ADSL: variants seen among roughly 807,000 people sequenced by gnomAD.
ADSL encodes the protein adenylosuccinate lyase.
In ADSL, 44 loss-of-function variants were observed where a neutral mutation model predicts 62.1. The ratio of observed to expected loss-of-function variants is 0.71; its 90% CI spans 0.56 to 0.91. The LOEUF is 0.91. Among genes scored for constraint, ADSL ranks in the 40% least tolerant of loss-of-function variants. ADSL has a pLI of 0.00. For synonymous variants in ADSL, 198 were observed against 220.5 expected (o/e 0.90, Z 0.90); for missense variants, 531 against 627.4 (o/e 0.85, Z 1.64).
At chr22:40,380,208 T>C (rs1482045512) in intron 2 of ADSL, among the ~76,000 whole-genome samples, 1 of 152,210 alleles carries the variant, frequency 6.6e-6, no homozygotes, top group Non-Finnish European at 1.5e-5. Context: ...TATTAACATT[T>C]TTTTAATGCT....
chr22:40,380,359 C>A (rs2047358961), intron 2 of ADSL, among the ~76,000 whole-genome samples: 1 of 145,682 alleles, frequency 6.9e-6, no homozygotes, highest in Admixed American at 7.3e-5. Context: ...CCATGAATAT[C>A]TATAATTTTT....
At chr22:40,378,758 C>A (rs1053503521) in intron 2 of ADSL, among the ~76,000 whole-genome samples, 1 of 151,904 alleles carries the variant, frequency 6.6e-6, no homozygotes, top group Non-Finnish European at 1.5e-5. Flanking sequence ...TAATAATAAT[C>A]TAATGGGTTG....
intron 4 of ADSL, among the ~76,000 whole-genome samples, 181 bp downstream of exon 4, chr22:40,354,508 TTTGGGAAACA>T (rs1424759972): frequency 6.6e-6 from 1 of 152,182 alleles, no homozygotes; most frequent in Non-Finnish European, 1.5e-5. Flanking sequence ...TAACAGTTCA[TTTGGGAAACA>T]TTGGGAAATA....
chr22:40,361,775 A>G (rs765556457), intron 9 of ADSL, 140 bp downstream of exon 9: 65 of 1,101,872 alleles, frequency 5.9e-5, no homozygotes, highest in Admixed American at 3.8e-4. Context: ...AGGCAAAAAC[A>G]TAAAAAGGAC....
At chr22:40,371,637 C>G (rs1393426663), downstream of ADSL, among the ~76,000 whole-genome samples, 1 of 152,148 alleles carries the variant, frequency 6.6e-6, no homozygotes, top group Admixed American at 6.6e-5. Flanking sequence ...AGTTGAATTA[C>G]ATCTTTGTTT....
intron 2 of ADSL, among the ~76,000 whole-genome samples, chr22:40,386,562 CTTTTTTTTTT>C (rs60319316): frequency 6.6e-4 from 45 of 68,366 alleles, no homozygotes; most frequent in Non-Finnish European, 9.0e-4. Flanking sequence ...AATTTTCTTA[CTTTTTTTTTT>C]TTTTTTTTTT....
chr22:40,366,665 C>G lies in ADSL; in HGVS notation c.*143C>G, dbSNP rs2045018458. The G allele has an allele frequency of 1.4e-6, 1 of 690,834 alleles. No homozygotes were observed. Among genetic ancestry groups the G allele is most frequent in the African/African-American group, 1.8e-5 (1 of 56,464 alleles). The allele number at this position is 690,834 out of a possible 1,614,324, so 42.8% of individuals were successfully genotyped here. A position where few individuals can be genotyped will look rare whatever the true frequency, so the allele number is the denominator to read the frequency against. The stretch of plus-strand genomic sequence containing the variant: ...CTTCCCATGGTGCTTTCCTGTTTCT[C>G]AGTCTCACATTTCTCAACAAGGCAA... On this transcript the variant is annotated 3_prime_UTR_variant, in exon 13 of 13. Transcript: ENST00000623063.
chr22:40,358,789 T>C (rs2044661039), intron 4 of ADSL, 75 bp from the exon 5 acceptor site: 1 of 1,451,386 alleles, frequency 6.9e-7, no homozygotes, highest in South Asian at 1.1e-5. Context: ...ATGGTGGTTA[T>C]TAAAAGAAGC....
At chr22:40,362,375 C>T (rs574966347) in intron 9 of ADSL, among the ~76,000 whole-genome samples, 1 of 152,286 alleles carries the variant, frequency 6.6e-6, no homozygotes, top group Non-Finnish European at 1.5e-5. Flanking sequence ...AGAAGTCAGC[C>T]ATTGAATACT....
intron 1 of ADSL, chr22:40,348,905 T>C (rs2044243163): frequency 3.6e-6 from 1 of 278,038 alleles, no homozygotes; most frequent in Non-Finnish European, 6.6e-6. Flanking sequence ...TTTTGCAGCC[T>C]AATTTTTCCA....
chr22:40,364,376 C>A lies in ADSL; in HGVS notation c.1191+11C>A, dbSNP rs1057523739. On this transcript the variant is annotated intron_variant, in intron 11 of 12. Transcript: ENST00000623063. ...GGAGGTAGCCGCCAGGTTTGTAACC[C>A]CTCATGTTCCTGGATAAGTTGAGAG... 3 of 1,611,752 alleles carry A rather than the reference C, an allele frequency of 1.9e-6. No homozygotes were observed. In the Admixed American group the frequency reaches 5.0e-5, roughly 27 times the overall value.
intron 9 of ADSL, among the ~76,000 whole-genome samples, chr22:40,362,001 G>C (rs2044809283): frequency 6.6e-6 from 1 of 152,162 alleles, no homozygotes; most frequent in Admixed American, 6.6e-5. Context: ...GTAGCCCTGG[G>C]GAATGAAGTC....
intron 2 of ADSL, among the ~76,000 whole-genome samples, chr22:40,375,124 T>C (rs186481807): frequency 6.6e-6 from 1 of 152,362 alleles, no homozygotes; most frequent in Admixed American, 6.5e-5. Context: ...TCTCTTCTAA[T>C]ATATGCCTCT....
At chr22:40,363,291 T>C (rs903682719) in intron 10 of ADSL, among the ~76,000 whole-genome samples, 4 of 152,216 alleles carry the variant, frequency 2.6e-5, no homozygotes, top group African/African-American at 9.6e-5. Context: ...CCTTAAACTA[T>C]CTAGCAGCAT....
intron 4 of ADSL, among the ~76,000 whole-genome samples, chr22:40,356,955 G>A (rs118105684): frequency 2.0e-3 from 308 of 152,280 alleles, no homozygotes; most frequent in Non-Finnish European, 3.7e-3. Flanking sequence ...GGGTACAGTG[G>A]TGTGATCTCA....
chr22:40,384,939 C>G (rs1193062137), intron 2 of ADSL, among the ~76,000 whole-genome samples: 1 of 152,152 alleles, frequency 6.6e-6, no homozygotes, highest in African/African-American at 2.4e-5. Context: ...TAGGGATGGA[C>G]TCCCCATTTG....
In ADSL at chr22:40,387,175, G is replaced by T. The variant is rs116574156; in HGVS notation, c.90-3055G>T. On this transcript the variant is annotated intron_variant, in intron 2 of 2. Coordinates refer to the ADSL transcript ENST00000498234. Reference sequence around the variant, plus strand: ...ATAATGCCTGTGAGTGTGCTTAGCAGTGTGATGAATGCTTAACACATATTA... The same window carrying T: ...ATAATGCCTGTGAGTGTGCTTAGCATTGTGATGAATGCTTAACACATATTA... The T allele has an allele frequency of 3.5e-3, 1,382 of 398,536 alleles. 15 individuals are homozygous for T. The highest frequency in any genetic ancestry group is 0.025 in the African/African-American group (1,223 of 48,712). 24.7% of individuals were successfully genotyped at this position (398,536 alleles called of 1,614,324 possible). A position where few individuals can be genotyped will look rare whatever the true frequency, so the allele number is the denominator to read the frequency against.
At chr22:40,348,458 G>A (rs1040929238) in intron 1 of ADSL, 45 of 398,404 alleles carry the variant, frequency 1.1e-4, no homozygotes, top group Non-Finnish European at 1.9e-4. Flanking sequence ...ATCTTGGCTC[G>A]TTACAACCTC....
rs1182184152 is a variant in ADSL, at chr22:40,369,149, T to C, written c.*2627T>C. The C allele has an allele frequency of 2.0e-5, 3 of 152,088 alleles. No homozygotes were observed. Among genetic ancestry groups the C allele is most frequent in the Admixed American group, 6.5e-5 (1 of 15,276 alleles). 9.4% of individuals were successfully genotyped at this position (152,088 alleles called of 1,614,324 possible). ...AGTTAATACATTTCCTCATAGAAAATAAGGAAATAACAGTCTTGTTCCTGT... is the reference window on the plus strand; with the variant it reads ...AGTTAATACATTTCCTCATAGAAAACAAGGAAATAACAGTCTTGTTCCTGT... On this transcript the variant is annotated 3_prime_UTR_variant, in exon 13 of 13. Transcript: ENST00000623063.
Sources: allele counts gnomAD v4.1 joint callset (sites outside exome capture counted in the v4.1 genomes callset), GRCh38; gene constraint gnomAD v4.1.1; transcripts MANE v1.5; gene names NCBI Gene and HGNC (gene_info 2026-07-23, HGNC 2026-07-21).